Variants in TENM3 observed in about 807,000 individuals in gnomAD.
TENM3 encodes teneurin-3.
TENM3 carries 63 observed loss-of-function variants against 255.1 expected under a neutral mutation model. That is an observed-to-expected ratio of 0.25 (90% CI 0.20 to 0.30). TENM3 has a LOEUF of 0.30. Ranked by LOEUF, TENM3 falls within the 10% of genes least tolerant of loss-of-function variation. The probability of loss-of-function intolerance (pLI) is 1.00; values close to 1 mark genes in which losing one functional copy is unlikely to be tolerated. For missense variants in TENM3, 2,929 were observed against 3,461.1 expected (o/e 0.85, Z 3.86); for synonymous variants, 1,306 against 1,322.3 (o/e 0.99, Z 0.27).
the TENM3 span, among the ~76,000 whole-genome samples, chr4:181,902,998 C>T: frequency 2.0e-5 from 3 of 152,192 alleles, no homozygotes; most frequent in East Asian, 1.9e-4. Context: ...ATGAATATAA[C>T]TTTTCAATTT....
chr4:182,505,203 T>C (rs1736694179), intron 3 of TENM3, among the ~76,000 whole-genome samples: 1 of 152,118 alleles, frequency 6.6e-6, no homozygotes, highest in Non-Finnish European at 1.5e-5. Context: ...TAGTTCTATG[T>C]TAATTTAGTA....
At chr4:181,771,203 G>A in the TENM3 span, among the ~76,000 whole-genome samples, 180 of 152,270 alleles carry the variant, frequency 1.2e-3, 1 homozygote, top group South Asian at 0.034. Context: ...AATTTCTACA[G>A]AAATAGAAAG....
the TENM3 span, among the ~76,000 whole-genome samples, chr4:181,813,272 G>A: frequency 1.3e-5 from 2 of 152,158 alleles, no homozygotes; most frequent in Admixed American, 6.5e-5. Context: ...GGGGAAGAGA[G>A]TGGGAAGCCA....
chr4:182,518,122 A>C (rs1195355467), intron 3 of TENM3, among the ~76,000 whole-genome samples: 1 of 152,062 alleles, frequency 6.6e-6, no homozygotes, highest in African/African-American at 2.4e-5. Flanking sequence ...TACTGTGTTC[A>C]TGGTGCCTGG....
chr4:181,622,081 G>A, the TENM3 span, among the ~76,000 whole-genome samples: 3 of 152,194 alleles, frequency 2.0e-5, no homozygotes, highest in Non-Finnish European at 4.4e-5. Flanking sequence ...TTTGGGCAAT[G>A]TTAGACACAG....
the TENM3 span, among the ~76,000 whole-genome samples, chr4:181,570,427 A>G: frequency 0.18 from 27,492 of 151,564 alleles, 2,844 homozygotes; most frequent in African/African-American, 0.3. Context: ...CTTGAGTTTT[A>G]GAGGTCAAGG....
chr4:181,641,775 TACACACACCATATATATATAC>T, the TENM3 span, among the ~76,000 whole-genome samples: 61 of 106,690 alleles, frequency 5.7e-4, no homozygotes, highest in African/African-American at 2.0e-3. Context: ...TATATATACA[TACACACACCATATATATATAC>T]ACACACACCA....
intron 24 of TENM3, among the ~76,000 whole-genome samples, chr4:182,777,511 A>ATGTGTGTGTGTGTGTGTGTGTGTG (rs150202066): frequency 1.0e-5 from 1 of 99,852 alleles, no homozygotes; most frequent in East Asian, 3.2e-4. Context: ...TAATGTGTTT[A>ATGTGTGTGTGTGTGTGTGTGTGTG]TGTGTGTGTG....
rs77316003 is a variant in TENM3 at position 182,544,011 on chromosome 4, G to T, written c.512-56913G>T. On this transcript the variant is annotated intron_variant, in intron 3 of 27. Transcript: ENST00000511685. ...CTTTTGCTTCAAGATGTTCAGGTGA[G>T]AATGTTTCAAAAAACTAAAATAAAG... Among the ~76,000 whole-genome samples the T allele has an allele frequency of 2.6e-5, 4 of 152,046 alleles. No individual in the cohort carries two copies. The South Asian group carries it at 8.3e-4, about 31-fold the overall frequency.
the TENM3 span, among the ~76,000 whole-genome samples, chr4:181,456,197 A>G: frequency 6.6e-6 from 1 of 150,672 alleles, no homozygotes; most frequent in East Asian, 1.9e-4. Flanking sequence ...GTATATGTGT[A>G]TATATATATG....
At chr4:181,902,899 G>A in the TENM3 span, among the ~76,000 whole-genome samples, 1 of 152,192 alleles carries the variant, frequency 6.6e-6, no homozygotes, top group Non-Finnish European at 1.5e-5. Flanking sequence ...ACTGAGTGAT[G>A]AGGTGAAGAT....
chr4:182,096,838 C>A, the TENM3 span, among the ~76,000 whole-genome samples: 1 of 152,146 alleles, frequency 6.6e-6, no homozygotes. Context: ...GGAAACTCTA[C>A]AGGTTAAACA....
At chr4:181,569,348 C>T in the TENM3 span, among the ~76,000 whole-genome samples, 3 of 152,140 alleles carry the variant, frequency 2.0e-5, no homozygotes, top group East Asian at 5.8e-4. Flanking sequence ...TAAAATCTGA[C>T]TTATTTATAT....
chr4:182,523,482 C>T (rs1738794951), intron 3 of TENM3, among the ~76,000 whole-genome samples: 1 of 152,022 alleles, frequency 6.6e-6, no homozygotes, highest in Non-Finnish European at 1.5e-5. Context: ...CCTTCCATTC[C>T]CTGTTCTCAT....
intron 3 of TENM3, among the ~76,000 whole-genome samples, chr4:182,373,469 C>T (rs751583328): frequency 5.1e-4 from 77 of 152,222 alleles, no homozygotes; most frequent in Admixed American, 8.5e-4. Context: ...TCGTGGAGGA[C>T]GGAAGGGGAG....
chr4:181,489,669 G>A, the TENM3 span, among the ~76,000 whole-genome samples: 2 of 152,136 alleles, frequency 1.3e-5, no homozygotes, highest in East Asian at 1.9e-4. Flanking sequence ...GCATGTGTGT[G>A]TATAAAATTA....
chr4:181,936,145 A>G, the TENM3 span, among the ~76,000 whole-genome samples: 2 of 152,166 alleles, frequency 1.3e-5, no homozygotes, highest in African/African-American at 4.8e-5. Flanking sequence ...TAATCCTAGC[A>G]CTTTGGGAGG....
chr4:181,673,101 C>T, the TENM3 span, among the ~76,000 whole-genome samples: 2 of 152,188 alleles, frequency 1.3e-5, no homozygotes, highest in African/African-American at 4.8e-5. Context: ...CCCTAGCCAA[C>T]ACACAGTAGT....
the TENM3 span, among the ~76,000 whole-genome samples, chr4:181,909,537 G>A: frequency 0.068 from 10,300 of 152,128 alleles, 483 homozygotes; most frequent in East Asian, 0.26. Flanking sequence ...GACTCAGCCC[G>A]GCTGCTGTTC....
Sources: gnomAD v4.1 joint callset for allele counts (sites outside exome capture counted in the v4.1 genomes callset) on GRCh38, gnomAD v4.1.1 for gene constraint, MANE v1.5 for transcripts, NCBI Gene and HGNC (gene_info 2026-07-23, HGNC 2026-07-21) for gene names.